Variants in SOX5 observed in about 807,000 individuals in gnomAD.
The protein encoded by SOX5 is transcription factor SOX-5.
In SOX5, 9 loss-of-function variants were observed where a neutral mutation model predicts 92.0. The ratio of observed to expected loss-of-function variants is 0.10; its 90% CI spans 0.06 to 0.17. The LOEUF (loss-of-function observed/expected upper bound fraction) is 0.17, where lower values mean the gene tolerates loss of function less well. SOX5 is among the 10% of genes least tolerant of loss of function. The pLI is 1.00. For missense variants in SOX5, 642 were observed against 944.5 expected, an observed-to-expected ratio of 0.68 and a Z score of 4.20; for synonymous variants, 344 against 336.3, an observed-to-expected ratio of 1.02 and a Z score of -0.25.
chr12:23,949,795 T>TA (rs1190611973), upstream of SOX5: 1 of 461,820 alleles, frequency 2.2e-6, no homozygotes, highest in African/African-American at 3.8e-5. Flanking sequence ...TCTCTCTCTT[T>TA]CTCCCCCCCT....
chr12:23,795,154 C>A (rs948121221), intron 3 of SOX5, among the ~76,000 whole-genome samples: 1 of 151,994 alleles, frequency 6.6e-6, no homozygotes, highest in East Asian at 1.9e-4. Context: ...CTTCCTAGAA[C>A]AGAGTAGCCC....
intron 1 of SOX5, among the ~76,000 whole-genome samples, chr12:24,370,258 AG>A (rs1407573355): frequency 6.6e-6 from 1 of 151,618 alleles, no homozygotes; most frequent in Non-Finnish European, 1.5e-5. Flanking sequence ...GTGGATCATG[AG>A]GTCAGGAGAT....
At chr12:23,722,857 G>A (rs2092896230) in intron 6 of SOX5, among the ~76,000 whole-genome samples, 1 of 152,208 alleles carries the variant, frequency 6.6e-6, no homozygotes, top group South Asian at 2.1e-4. Context: ...TGTCAGTTGT[G>A]TACAAAGCGC....
At chr12:24,262,874 C>T (rs967247361) in intron 3 of SOX5, among the ~76,000 whole-genome samples, 1 of 152,122 alleles carries the variant, frequency 6.6e-6, no homozygotes, top group African/African-American at 2.4e-5. Context: ...AATGGGATTA[C>T]CATCAATAGA....
chr12:24,059,316 G>T (rs549835181), intron 4 of SOX5, among the ~76,000 whole-genome samples: 56 of 152,146 alleles, frequency 3.7e-4, no homozygotes, highest in Non-Finnish European at 6.8e-4. Flanking sequence ...AAATAGGCTA[G>T]ATTCATGCTT....
chr12:24,432,339 T>C (rs1044850556), intron 1 of SOX5, among the ~76,000 whole-genome samples: 8 of 152,088 alleles, frequency 5.3e-5, no homozygotes, highest in African/African-American at 1.9e-4. Context: ...TCCAACAATA[T>C]CTGTAAACCA....
chr12:24,225,747 C>A (rs1961786602), intron 3 of SOX5, among the ~76,000 whole-genome samples: 1 of 152,148 alleles, frequency 6.6e-6, no homozygotes, highest in East Asian at 1.9e-4. Flanking sequence ...TAATGACTTA[C>A]AAACTGGCAA....
intron 1 of SOX5, among the ~76,000 whole-genome samples, chr12:24,436,887 G>T (rs1375760682): frequency 6.6e-6 from 1 of 152,106 alleles, no homozygotes; most frequent in Non-Finnish European, 1.5e-5. Context: ...CATTCCTAGG[G>T]CCCTTAAGAA....
intron 2 of SOX5, among the ~76,000 whole-genome samples, chr12:24,357,908 C>T (rs1488551699): frequency 6.6e-6 from 1 of 150,700 alleles, no homozygotes. Flanking sequence ...TTAGCCAAAA[C>T]ACCAAACAAA....
In SOX5 at chr12:24,422,371, T is replaced by A. The variant is rs186971191; in HGVS notation, c.-250-53732A>T. ...TCTATCAAAAAAATATGAGAAGTGA[T>A]GTTTGTCACTTCTGGAATAAAGCAT... On this transcript the variant is annotated intron_variant, in intron 1 of 4. Coordinates refer to the SOX5 transcript ENST00000446891. Among the ~76,000 whole-genome samples the A allele has an allele frequency of 1.8e-4, 28 of 152,316 alleles. 1 individual carries two copies. The highest frequency in any genetic ancestry group is 7.2e-4 in the Admixed American group (11 of 15,308).
intron 4 of SOX5, among the ~76,000 whole-genome samples, chr12:24,133,028 A>G (rs1433667367): frequency 6.6e-6 from 1 of 152,214 alleles, no homozygotes; most frequent in Non-Finnish European, 1.5e-5. Context: ...AGATGATAAA[A>G]CATCCAATTC....
chr12:24,453,516 G>C (rs1310796231), intron 1 of SOX5, among the ~76,000 whole-genome samples: 1 of 152,042 alleles, frequency 6.6e-6, no homozygotes, highest in African/African-American at 2.4e-5. Flanking sequence ...ATTGTACTTA[G>C]TAATATCTTA....
intron 3 of SOX5, among the ~76,000 whole-genome samples, chr12:23,776,591 C>T (rs1368346720): frequency 2.0e-5 from 3 of 152,124 alleles, no homozygotes; most frequent in African/African-American, 7.2e-5. Context: ...ACCTTTTTAG[C>T]ACCACGGACC....
chr12:24,454,216 TGAG>T (rs1275239285), intron 1 of SOX5, among the ~76,000 whole-genome samples: 3 of 152,212 alleles, frequency 2.0e-5, no homozygotes, highest in African/African-American at 7.2e-5. Flanking sequence ...GAAAACCTAA[TGAG>T]GAGAGAATAG....
chr12:24,248,095 T>C (rs981512363), intron 3 of SOX5, among the ~76,000 whole-genome samples: 8 of 152,216 alleles, frequency 5.3e-5, no homozygotes, highest in African/African-American at 1.9e-4. Context: ...ACTGAACTTG[T>C]CAGAAAATAA....
intron 1 of SOX5, among the ~76,000 whole-genome samples, chr12:24,413,543 A>G (rs1964488211): frequency 6.6e-6 from 1 of 152,238 alleles, no homozygotes; most frequent in African/African-American, 2.4e-5. Flanking sequence ...CTTTTTATCT[A>G]AAGTGTGTCA....
At chr12:24,238,920 T>C (rs1478142986) in intron 3 of SOX5, among the ~76,000 whole-genome samples, 1 of 152,226 alleles carries the variant, frequency 6.6e-6, no homozygotes, top group African/African-American at 2.4e-5. Context: ...AAACTGCCTC[T>C]CCCAACGTTG....
rs1433308188 is a variant in SOX5 at position 23,590,244 on chromosome 12, A to C, written c.1164+14143T>G. On this transcript the variant is annotated intron_variant, in intron 9 of 14. Coordinates refer to ENST00000451604, the MANE Select transcript of SOX5 (RefSeq NM_006940.6). ...ATTTCTGGAACTGGGAGAAAGGCAG[A>C]AGTATTAATTAGGCTAGGGAGGTAG... is the stretch of plus-strand genomic sequence containing the variant. 2.0e-5 allele frequency among the ~76,000 whole-genome samples: 3 copies of C among 152,172 alleles called. No homozygotes were observed. The East Asian group carries it at 5.8e-4, about 29-fold the overall frequency.
At chr12:23,741,954 T>C (rs2093812150) in intron 4 of SOX5, among the ~76,000 whole-genome samples, 1 of 152,178 alleles carries the variant, frequency 6.6e-6, no homozygotes, top group South Asian at 2.1e-4. Context: ...AAGGAAACAG[T>C]ATCTCTTTTA....
Sources: gnomAD v4.1 joint callset for allele counts (sites outside exome capture counted in the v4.1 genomes callset) on GRCh38, gnomAD v4.1.1 for gene constraint, MANE v1.5 for transcripts, NCBI Gene and HGNC (gene_info 2026-07-23, HGNC 2026-07-21) for gene names.